Variants in GPR89B observed in about 807,000 individuals in gnomAD.
GPR89B encodes golgi pH regulator B, also known as G protein-coupled receptor 89B.
Under a neutral mutation model 52.4 loss-of-function variants are expected in GPR89B, and 25 were observed. The observed-to-expected ratio is 0.48, with a 90% CI of 0.35 to 0.67. The LOEUF is 0.67. Among genes scored for constraint, GPR89B ranks in the 30% least tolerant of loss-of-function variants. GPR89B has a pLI of 0.01. For synonymous variants in GPR89B, 52 were observed against 151.2 expected, an observed-to-expected ratio of 0.34 and a Z score of 4.81; for missense variants, 146 against 450.2, an observed-to-expected ratio of 0.32 and a Z score of 6.11.
At chr1:147,970,107 CATTT>C (rs1657304127) in intron 10 of GPR89B, 148 bp downstream of exon 10, 1 of 1,074,738 alleles carries the variant, frequency 9.3e-7, no homozygotes, top group Non-Finnish European at 1.3e-6. Flanking sequence ...CTCTGGGCTT[CATTT>C]GTTATCCTCT....
At chr1:147,980,379 C>A in intron 10 of GPR89B, among the ~76,000 whole-genome samples, 1 of 119,988 alleles carries the variant, frequency 8.3e-6, no homozygotes, top group African/African-American at 3.5e-5. Context: ...AGGGTTTATG[C>A]AGGTTATCTA....
intron 5 of GPR89B, among the ~76,000 whole-genome samples, chr1:147,949,592 T>C (rs1655366456): frequency 8.1e-6 from 1 of 123,682 alleles, no homozygotes; most frequent in Non-Finnish European, 1.7e-5. Flanking sequence ...CCCACCTCCC[T>C]CCAGGACCGG....
At chr1:148,025,107 G>A in the GPR89B span, among the ~76,000 whole-genome samples, 1 of 151,836 alleles carries the variant, frequency 6.6e-6, no homozygotes, top group Non-Finnish European at 1.5e-5. Context: ...TCCTGATAAA[G>A]ACAATAGGAT....
chr1:147,950,176 A>G (rs1203559718), intron 5 of GPR89B, among the ~76,000 whole-genome samples: 2 of 143,862 alleles, frequency 1.4e-5, no homozygotes, highest in Non-Finnish European at 3.0e-5. Context: ...CACTTCTCAT[A>G]TGGGGCGGTT....
intron 5 of GPR89B, among the ~76,000 whole-genome samples, chr1:147,949,691 C>T (rs868979050): frequency 2.9e-5 from 4 of 136,968 alleles, no homozygotes; most frequent in African/African-American, 5.9e-5. Context: ...CCACCTCCTT[C>T]GCGGACGGGG....
chr1:147,977,656 C>G (rs1167790179), intron 10 of GPR89B, among the ~76,000 whole-genome samples: 17 of 149,896 alleles, frequency 1.1e-4, no homozygotes, highest in Non-Finnish European at 2.2e-4. Context: ...TTATGTAATC[C>G]CATAGTTCTC....
intron 10 of GPR89B, among the ~76,000 whole-genome samples, chr1:147,979,798 G>A (rs1658103453): frequency 6.6e-6 from 1 of 151,970 alleles, no homozygotes; most frequent in Admixed American, 6.6e-5. Context: ...CGTTAAGAAT[G>A]TTTGCATTGT....
At chr1:148,015,293 A>ACCTCTCTC in the GPR89B span, among the ~76,000 whole-genome samples, 2 of 69,860 alleles carry the variant, frequency 2.9e-5, no homozygotes, top group African/African-American at 1.3e-4. Context: ...GGATTCTAGG[A>ACCTCTCTC]TCTCTCTCTC....
intron 5 of GPR89B, among the ~76,000 whole-genome samples, chr1:147,949,219 T>A (rs1162781578): frequency 2.0e-5 from 3 of 152,106 alleles, no homozygotes; most frequent in African/African-American, 7.2e-5. Context: ...CTTTCCCCCC[T>A]TTCCATTCCA....
At chr1:147,998,880 C>CA in the GPR89B span, among the ~76,000 whole-genome samples, 2,104 of 77,474 alleles carry the variant, frequency 0.027, 63 homozygotes, top group African/African-American at 0.061. Flanking sequence ...GACTCTGTCT[C>CA]AAAAAAAAAA....
intron 10 of GPR89B, among the ~76,000 whole-genome samples, chr1:147,970,225 G>A (rs1657313284): frequency 6.6e-6 from 1 of 151,910 alleles, no homozygotes; most frequent in Non-Finnish European, 1.5e-5. Context: ...GCCGGGCATG[G>A]TGGCTCATGC....
chr1:148,004,323 A>T, the GPR89B span, among the ~76,000 whole-genome samples: 2 of 141,566 alleles, frequency 1.4e-5, no homozygotes, highest in African/African-American at 2.6e-5. Flanking sequence ...CACCTGGCTA[A>T]TTTTTTTTTT....
intron 7 of GPR89B, among the ~76,000 whole-genome samples, chr1:147,965,136 A>G (rs1656939570): frequency 6.7e-6 from 1 of 150,100 alleles, no homozygotes; most frequent in Admixed American, 6.6e-5. Context: ...GAAGAAAGGC[A>G]GAAAGAGCTA....
At chr1:147,937,137 TAAAGAG>T (rs1553248082) in intron 2 of GPR89B, among the ~76,000 whole-genome samples, 3 of 151,464 alleles carry the variant, frequency 2.0e-5, no homozygotes, top group African/African-American at 7.3e-5. Flanking sequence ...GTCTGAGAAA[TAAAGAG>T]AAAGAGTACA....
At chr1:147,937,412 G>A (rs1243075570) in intron 2 of GPR89B, among the ~76,000 whole-genome samples, 6 of 152,144 alleles carry the variant, frequency 3.9e-5, no homozygotes. Context: ...ATTTTAACAG[G>A]AAATAGGGTT....
At chr1:148,013,754 T>C in the GPR89B span, among the ~76,000 whole-genome samples, 1 of 151,924 alleles carries the variant, frequency 6.6e-6, no homozygotes, top group Non-Finnish European at 1.5e-5. Flanking sequence ...AGGGTCTCTG[T>C]CCTCCTGGGG....
At chr1:148,009,695 G>T in the GPR89B span, 2 of 676,686 alleles carry the variant, frequency 3.0e-6, no homozygotes, top group East Asian at 5.4e-5. Context: ...GATGCTGCTA[G>T]TTGACCCTTG....
At chr1:147,932,885 T>C (rs1418797231) in intron 1 of GPR89B, among the ~76,000 whole-genome samples, 2 of 152,160 alleles carry the variant, frequency 1.3e-5, no homozygotes, top group African/African-American at 4.8e-5. Context: ...GCACAGATTT[T>C]GGAGTCAAAC....
the GPR89B span, among the ~76,000 whole-genome samples, chr1:148,012,907 G>A: frequency 3.3e-5 from 5 of 152,062 alleles, no homozygotes; most frequent in East Asian, 9.6e-4. Context: ...ACACTCTGCA[G>A]CATTATTTTT....
Sources: allele counts gnomAD v4.1 joint callset (sites outside exome capture counted in the v4.1 genomes callset), GRCh38; gene constraint gnomAD v4.1.1; transcripts MANE v1.5; gene names NCBI Gene and HGNC (gene_info 2026-07-23, HGNC 2026-07-21).